The following VAX2 variants were observed in gnomAD, a reference collection of about 807,000 sequenced individuals.
VAX2 encodes the protein ventral anterior homeobox 2.
Under a neutral mutation model 12.5 loss-of-function variants are expected in VAX2, and 8 were observed. The ratio of observed to expected loss-of-function variants is 0.64; its 90% CI spans 0.37 to 1.15. VAX2 has a LOEUF of 1.15. Ranked by LOEUF, VAX2 falls within the 50% of genes most tolerant of loss-of-function variation. The pLI, the probability that VAX2 is intolerant of heterozygous loss-of-function variation, is 0.01. For synonymous variants in VAX2, 183 were observed against 187.6 expected, an observed-to-expected ratio of 0.98 and a Z score of 0.20; for missense variants, 476 against 412.9, an observed-to-expected ratio of 1.15 and a Z score of -1.32.
At chr2:70,928,092 G>A (rs1251625586) in intron 2 of VAX2, among the ~76,000 whole-genome samples, 1 of 152,250 alleles carries the variant, frequency 6.6e-6, no homozygotes, top group Non-Finnish European at 1.5e-5. Flanking sequence ...TCCTGGGGCA[G>A]GAGGGACACA....
chr2:70,933,027 G>A lies in VAX2; in HGVS notation c.696G>A (p.Leu232=). ...PRNSSPRLNP[L]SSASASPPLP... Reference sequence around the variant, plus strand: ...ACTCCTCCCCACGCCTCAACCCGCTGTCCTCGGCCTCAGCGTCCCCCCCAC... The same window carrying A: ...ACTCCTCCCCACGCCTCAACCCGCTATCCTCGGCCTCAGCGTCCCCCCCAC... The change falls in exon 3 of 3, where the codon CTG becomes CTA. Residue 232 remains leucine (L), a synonymous_variant. Coordinates refer to ENST00000234392, the MANE Select transcript of VAX2 (RefSeq NM_012476.3). The A allele has an allele frequency of 1.3e-6, 2 of 1,598,848 alleles. No individual in the cohort carries two copies. Among genetic ancestry groups the A allele is most frequent in the Admixed American group, 1.7e-5 (1 of 57,732 alleles).
At chr2:70,912,141 C>A (rs1553411312) in intron 1 of VAX2, among the ~76,000 whole-genome samples, 1 of 152,202 alleles carries the variant, frequency 6.6e-6, no homozygotes, top group Non-Finnish European at 1.5e-5. Context: ...GAATTTGCTT[C>A]ATAACTCTTG....
intron 1 of VAX2, among the ~76,000 whole-genome samples, chr2:70,902,634 C>T (rs1678960473): frequency 6.6e-6 from 1 of 152,196 alleles, no homozygotes; most frequent in South Asian, 2.1e-4. Context: ...GCCCACCTAA[C>T]ATCCTCTCCA....
intron 2 of VAX2, among the ~76,000 whole-genome samples, chr2:70,925,995 A>G (rs986698272): frequency 5.3e-5 from 8 of 151,284 alleles, no homozygotes; most frequent in Non-Finnish European, 1.2e-4. Context: ...TACTCAGAGG[A>G]CCCAGGCATG....
At chr2:70,918,064 T>A (rs1279284133) in intron 1 of VAX2, among the ~76,000 whole-genome samples, 3 of 152,330 alleles carry the variant, frequency 2.0e-5, no homozygotes, top group African/African-American at 7.2e-5. Context: ...CTTTTTGAAA[T>A]GTGAACAGAA....
intron 2 of VAX2, among the ~76,000 whole-genome samples, chr2:70,923,314 G>A (rs1679503162): frequency 6.6e-6 from 1 of 152,190 alleles, no homozygotes; most frequent in South Asian, 2.1e-4. Context: ...TTCCAAGGGT[G>A]TGACATAGTC....
At chr2:70,930,236 C>T (rs970876241) in intron 2 of VAX2, among the ~76,000 whole-genome samples, 182 of 64,924 alleles carry the variant, frequency 2.8e-3, no homozygotes, top group African/African-American at 0.01. Flanking sequence ...ATCCAATGTC[C>T]TTCAAAACAC....
chr2:70,900,957 A>T (rs1432319772), intron 1 of VAX2, 89 bp downstream of exon 1: 27 of 1,141,146 alleles, frequency 2.4e-5, no homozygotes, highest in African/African-American at 3.2e-5. Context: ...ACACCTCTCA[A>T]TTCATATATT....
Position 70,906,520 on chromosome 2 carries a change from C to CTTTTTTTTTTTTT in VAX2, c.247+5666_247+5678dup, listed in dbSNP as rs869309305. Among the ~76,000 whole-genome samples the CTTTTTTTTTTTTT allele has an allele frequency of 2.2e-3, 131 of 60,588 alleles. 22 individuals are homozygous for CTTTTTTTTTTTTT. The highest frequency in any genetic ancestry group is 6.9e-3 in the East Asian group (12 of 1,740). 39.7% of individuals were successfully genotyped at this position (60,588 alleles called of 152,430 possible). On this transcript the variant is annotated intron_variant, in intron 1 of 2. Coordinates refer to ENST00000234392, the MANE Select transcript of VAX2 (RefSeq NM_012476.3). The stretch of plus-strand genomic sequence containing the variant: ...CTTTCTTTTTTTTTCTTTTCTTTTC[C>CTTTTTTTTTTTTT]TTTTTTTTTTTTTTTTTTTTTTTTT...
chr2:70,907,310 A>C (rs1426648382), intron 1 of VAX2, among the ~76,000 whole-genome samples: 6 of 152,242 alleles, frequency 3.9e-5, no homozygotes, highest in African/African-American at 9.6e-5. Flanking sequence ...GGTCTTGGGA[A>C]GCGCTGGGCC....
chr2:70,906,479 C>T (rs1379188298), intron 1 of VAX2, among the ~76,000 whole-genome samples: 2 of 144,702 alleles, frequency 1.4e-5, no homozygotes, highest in South Asian at 2.3e-4. Flanking sequence ...CCCCCGTGGC[C>T]TTAACATCTT....
In VAX2 at chr2:70,904,609, G is replaced by A. The variant is rs530987613; in HGVS notation, c.247+3741G>A. On this transcript the variant is annotated intron_variant, in intron 1 of 2. Coordinates refer to ENST00000234392, the MANE Select transcript of VAX2 (RefSeq NM_012476.3). This position sits in a 1 kb window ranked among gnomAD's most constrained non-coding sequence, Gnocchi z 4.2. ...CCCTGCGGGTCCTCAAACCCCACTCGAAACCCTCCGAACCCCTGTGTCTGG... is the reference window on the plus strand; with the variant it reads ...CCCTGCGGGTCCTCAAACCCCACTCAAAACCCTCCGAACCCCTGTGTCTGG... 5.3e-5 allele frequency among the ~76,000 whole-genome samples: 8 copies of A among 152,146 alleles called. No individual in the cohort carries two copies. Among genetic ancestry groups the A allele is most frequent in the Admixed American group, 2.6e-4 (4 of 15,274 alleles).
intron 1 of VAX2, among the ~76,000 whole-genome samples, chr2:70,912,453 G>A (rs2104766175): frequency 6.6e-6 from 1 of 152,228 alleles, no homozygotes; most frequent in East Asian, 1.9e-4. Flanking sequence ...CTTGAGGTCA[G>A]GAGCTTGAAA....
intron 2 of VAX2, among the ~76,000 whole-genome samples, chr2:70,932,429 G>A (rs1342791389): frequency 1.3e-5 from 2 of 152,020 alleles, no homozygotes; most frequent in African/African-American, 2.4e-5. Flanking sequence ...AGGGCATGTG[G>A]GCCAAGAGGA....
At chr2:70,920,110 C>T (rs1553412605) in intron 1 of VAX2, among the ~76,000 whole-genome samples, 2 of 152,164 alleles carry the variant, frequency 1.3e-5, no homozygotes, top group Admixed American at 6.5e-5. Flanking sequence ...ATTGCCAATG[C>T]TAAGTAATGG....
rs2104766521 is a variant in VAX2 at position 70,912,731 on chromosome 2, G to A, written c.248-8367G>A. Among the ~76,000 whole-genome samples the A allele has an allele frequency of 2.6e-5, 4 of 152,278 alleles. No individual in the cohort carries two copies. In the Middle Eastern group the frequency reaches 0.014, roughly 518 times the overall value. The stretch of plus-strand genomic sequence containing the variant: ...CCTAGTGCTAGGTAGGAAAAGAAGT[G>A]AGATAGGGCTTTGGAGGTGGGGGGG... On this transcript the variant is annotated intron_variant, in intron 1 of 2. Coordinates refer to ENST00000234392, the MANE Select transcript of VAX2 (RefSeq NM_012476.3).
intron 1 of VAX2, among the ~76,000 whole-genome samples, chr2:70,901,971 G>A (rs577970839): frequency 5.1e-4 from 78 of 152,318 alleles, no homozygotes; most frequent in African/African-American, 1.7e-3. Context: ...CACACGCGCC[G>A]CTCGGGAGAG....
intron 2 of VAX2, among the ~76,000 whole-genome samples, chr2:70,921,879 C>G (rs1007979189): frequency 1.3e-5 from 2 of 152,058 alleles, no homozygotes; most frequent in African/African-American, 2.4e-5. Context: ...AAGCACCTAC[C>G]CTGTATGAAT....
chr2:70,919,415 T>C lies in VAX2; in HGVS notation c.248-1683T>C, dbSNP rs973824390. On this transcript the variant is annotated intron_variant, in intron 1 of 2. Transcript: ENST00000234392. ...GGTTAAAGTGCTTAAAACAGCAGGG[T>C]GTGGTGGCTCACACCTATAATCCCA... Among the ~76,000 whole-genome samples the C allele has an allele frequency of 2.0e-5, 3 of 151,116 alleles. No homozygotes were observed. In the East Asian group the frequency reaches 5.9e-4, roughly 30 times the overall value.
Sources: allele counts gnomAD v4.1 joint callset (sites outside exome capture counted in the v4.1 genomes callset), GRCh38; gene constraint gnomAD v4.1.1; non-coding constraint Gnocchi (gnomAD v3.1); transcripts MANE v1.5; gene names NCBI Gene and HGNC (gene_info 2026-07-23, HGNC 2026-07-21).